Variants in POLQ observed in about 807,000 individuals in gnomAD.
POLQ encodes the protein epididymis secretory sperm binding protein.
A neutral mutation model predicts 259.2 loss-of-function variants in POLQ; 233 were observed. The observed-to-expected ratio is 0.90, with a 90% CI of 0.81 to 1.00. The LOEUF is 1.00. Among genes scored for constraint, POLQ ranks in the 50% least tolerant of loss-of-function variants. The pLI, the probability that POLQ is intolerant of heterozygous loss-of-function variation, is 0.00. For missense variants in POLQ, 2,871 were observed against 3,051.6 expected, an observed-to-expected ratio of 0.94 and a Z score of 1.39; for synonymous variants, 1,025 against 1,048.8, an observed-to-expected ratio of 0.98 and a Z score of 0.44.
chr3:121,484,911 C>CA (rs41554312), intron 17 of POLQ, 130 bp downstream of exon 17: 31,564 of 742,244 alleles, frequency 0.043, 680 homozygotes, highest in Middle Eastern at 0.065. Context: ...AAAAAACAAA[C>CA]AAAAAAAAAT....
Position 121,545,741 on chromosome 3 carries a change from C to T in POLQ, c.137G>A (p.Gly46Asp), listed in dbSNP as rs938359294. ...TGCAGCTGCGGCCTTCAGGCAGCGA[C>T]CAAGGCCGGGCGGCGGGCTCAGCAC... ...GSVLSPPPGL[G>D]RCLKAAAAGE... The change falls in exon 1 of 30, where the codon GGT (glycine) becomes GAT (aspartate). Residue 46 changes from glycine (G) to aspartate (D), a missense_variant. By Grantham distance (94) the Gly-to-Asp change is moderately conservative. This residue lies in a region of POLQ where 783 missense variants were observed against 906.2 expected (regional missense o/e 0.86). Coordinates refer to ENST00000264233, the MANE Select transcript of POLQ (RefSeq NM_199420.4). 1 of 1,587,386 alleles carries T rather than the reference C, an allele frequency of 6.3e-7. No individual in the cohort carries two copies. Among genetic ancestry groups the T allele is most frequent in the Non-Finnish European group, 8.6e-7 (1 of 1,167,254 alleles).
chr3:121,476,018 T>C (rs2047922317), intron 20 of POLQ, among the ~76,000 whole-genome samples: 1 of 152,106 alleles, frequency 6.6e-6, no homozygotes, highest in Admixed American at 6.5e-5. Context: ...CTTTTAAATA[T>C]GTTAACGAAG....
At chr3:121,440,637 G>A (rs1431687515) in intron 26 of POLQ, among the ~76,000 whole-genome samples, 2 of 152,060 alleles carry the variant, frequency 1.3e-5, no homozygotes, top group African/African-American at 4.8e-5. Flanking sequence ...CATGGCCTTT[G>A]TTTTTTGAGT....
Position 121,496,978 on chromosome 3 carries a change from A to C in POLQ, c.2154-46T>G, listed in dbSNP as rs775031612. The C allele has an allele frequency of 2.5e-6, 4 of 1,597,316 alleles. 1 individual carries two copies. Among genetic ancestry groups the C allele is most frequent in the South Asian group, 2.3e-5 (2 of 88,470 alleles). On this transcript the variant is annotated intron_variant, in intron 13 of 29. Coordinates refer to ENST00000264233, the MANE Select transcript of POLQ (RefSeq NM_199420.4). ...GCGTGGTAAGAGATCCTTCACGTCT[A>C]CTAGGCGATACAGTGTGTTGAAAAA...
intron 6 of POLQ, 42 bp downstream of exon 6, chr3:121,532,948 C>T (rs2048421808): frequency 1.6e-6 from 2 of 1,229,970 alleles, no homozygotes; most frequent in Middle Eastern, 2.1e-4. Flanking sequence ...TGAAATCAAA[C>T]ACACAGATAA....
chr3:121,461,025 A>C (rs36102428), intron 24 of POLQ, among the ~76,000 whole-genome samples: 1 of 152,228 alleles, frequency 6.6e-6, no homozygotes, highest in Non-Finnish European at 1.5e-5. Context: ...AAACAAAAGA[A>C]CCTTAAACAT....
intron 26 of POLQ, among the ~76,000 whole-genome samples, chr3:121,447,731 A>G (rs577671926): frequency 2.0e-5 from 3 of 151,590 alleles, no homozygotes; most frequent in Non-Finnish European, 2.9e-5. Context: ...TTGTAGGACA[A>G]CTCTGGTGTT....
At chr3:121,467,398 T>C (rs1228405090) in intron 24 of POLQ, 121 bp downstream of exon 24, 3 of 933,452 alleles carry the variant, frequency 3.2e-6, no homozygotes, top group African/African-American at 1.6e-5. Flanking sequence ...GGCTCCACCG[T>C]AGACAGAAAG....
chr3:121,538,385 T>G (rs1369122059), intron 4 of POLQ, among the ~76,000 whole-genome samples: 1 of 152,016 alleles, frequency 6.6e-6, no homozygotes, highest in Non-Finnish European at 1.5e-5. Context: ...AACATTTTCA[T>G]AACAACATAG....
rs529809245 is a variant in POLQ at position 121,525,283 on chromosome 3, G to C, written c.1109-3134C>G. Among the ~76,000 whole-genome samples the C allele has an allele frequency of 8.6e-5, 13 of 151,918 alleles. No homozygotes were observed. In the East Asian group the frequency reaches 2.3e-3, roughly 27 times the overall value. On this transcript the variant is annotated intron_variant, in intron 7 of 29. Transcript: ENST00000264233. ...GTGAACCTGGGAGGCGGAGCTTGCAGTGGGCCAAGATAGCGCCACTACACT... is the reference window on the plus strand; with the variant it reads ...GTGAACCTGGGAGGCGGAGCTTGCACTGGGCCAAGATAGCGCCACTACACT...
intron 26 of POLQ, among the ~76,000 whole-genome samples, chr3:121,442,446 C>CT (rs959558014): frequency 6.6e-6 from 1 of 152,186 alleles, no homozygotes; most frequent in Non-Finnish European, 1.5e-5. Context: ...CCCCAATACC[C>CT]TTCCCAGCTT....
rs199637424 is a variant in POLQ at position 121,488,785 on chromosome 3, T to C, written c.4146A>G (p.Leu1382=). The C allele has an allele frequency of 6.2e-7, 1 of 1,613,974 alleles. No individual in the cohort carries two copies. Among genetic ancestry groups the C allele is most frequent in the South Asian group, 1.1e-5 (1 of 91,042 alleles). ...HIPFPAEQHP[L]GATKIDHLDL... is the part of the protein sequence containing the mutation. ...CCAAATGATCTATCTTAGTCGCTCC[T>C]AGAGGGTGCTGTTCAGCAGGAAAAG... Residue 1382 remains leucine (L), a synonymous_variant, in exon 16 of 30, where the codon CTA becomes CTG. Transcript: ENST00000264233.
chr3:121,537,968 C>G (rs1403942263), intron 4 of POLQ, among the ~76,000 whole-genome samples: 1 of 152,118 alleles, frequency 6.6e-6, no homozygotes, highest in East Asian at 1.9e-4. Flanking sequence ...GGCAGTCGTA[C>G]TACAAGGTAT....
chr3:121,437,878 G>T (rs2047556981), intron 27 of POLQ, among the ~76,000 whole-genome samples: 1 of 152,104 alleles, frequency 6.6e-6, no homozygotes, highest in Admixed American at 6.6e-5. Flanking sequence ...AATTTTGATA[G>T]AAGCTAGATA....
At chr3:121,506,361 G>A (rs2048209066) in intron 12 of POLQ, among the ~76,000 whole-genome samples, 1 of 152,066 alleles carries the variant, frequency 6.6e-6, no homozygotes, top group African/African-American at 2.4e-5. Context: ...GGAGGGAGGT[G>A]GGGAGCCCTG....
chr3:121,483,959 T>TA (rs1183124654), intron 17 of POLQ, among the ~76,000 whole-genome samples: 21 of 151,050 alleles, frequency 1.4e-4, no homozygotes, highest in African/African-American at 3.9e-4. Context: ...CTATCCAAAA[T>TA]AAAAAAAAAG....
chr3:121,509,433 C>G, intron 12 of POLQ, 128 bp downstream of exon 12: 3 of 634,556 alleles, frequency 4.7e-6, no homozygotes. Context: ...CTTCTCTATT[C>G]CCACCAGTAC....
In POLQ at chr3:121,483,401, A is replaced by T; in HGVS notation, c.5955T>A (p.Ser1985Arg). Residue 1985 changes from serine to arginine, a missense_variant, in exon 18 of 30, where the codon AGT (serine) becomes AGA (arginine). Physicochemically the swap from Ser to Arg is moderately radical, Grantham distance 110 (BLOSUM62 -1). This residue lies in a region of POLQ where 2,080 missense variants were observed against 2,126.0 expected (regional missense o/e 0.98). Coordinates refer to ENST00000264233, the MANE Select transcript of POLQ (RefSeq NM_199420.4). ...GACATAGAACCTTAGGATCTTCATA[A>T]CTTTGCTCCAAGGAGATGCCACAAG... ...LLSCGISLEQ[S>R]YEDPKVACWL... 1 of 1,565,016 alleles carries T rather than the reference A, an allele frequency of 6.4e-7. No individual in the cohort carries two copies. The highest frequency in any genetic ancestry group is 2.3e-5 in the East Asian group (1 of 43,850).
Position 121,449,344 on chromosome 3 carries a change from T to C in POLQ, c.7235A>G (p.Tyr2412Cys), listed in dbSNP as rs746390192. Residue 2412 changes from tyrosine (Y) to cysteine (C), a missense_variant, in exon 26 of 30, where the codon TAT becomes TGT. Coordinates refer to ENST00000264233, the MANE Select transcript of POLQ (RefSeq NM_199420.4). ...GTATCTGGATTTGAAGGAGTCAATA[T>C]AGCATGCAGCATCATTTTCTTTAAT... Reference protein sequence around the residue: ...MGIKENDAACYIDSFKSRYTG... With the variant: ...MGIKENDAACCIDSFKSRYTG... 12 of 1,583,580 alleles carry C rather than the reference T, an allele frequency of 7.6e-6. No homozygotes were observed. The highest frequency in any genetic ancestry group is 2.7e-5 in the African/African-American group (2 of 74,252).
Sources: allele counts gnomAD v4.1 joint callset (sites outside exome capture counted in the v4.1 genomes callset), GRCh38; gene constraint gnomAD v4.1.1; regional missense constraint gnomAD v4.1.1; transcripts MANE v1.5; gene names NCBI Gene and HGNC (gene_info 2026-07-23, HGNC 2026-07-21).